KLHL14: variants seen among roughly 807,000 people sequenced by gnomAD.
KLHL14 encodes the protein kelch-like protein 14.
In KLHL14, 22 loss-of-function variants were observed where a neutral mutation model predicts 64.3. The observed-to-expected ratio is 0.34, with a 90% CI of 0.24 to 0.49. KLHL14 has a LOEUF of 0.49. Among genes scored for constraint, KLHL14 ranks in the 20% least tolerant of loss-of-function variants. The probability of loss-of-function intolerance (pLI) is 0.99; values close to 1 mark genes in which losing one functional copy is unlikely to be tolerated. For synonymous variants in KLHL14, 322 were observed against 333.4 expected, an observed-to-expected ratio of 0.97 and a Z score of 0.37; for missense variants, 661 against 789.0, an observed-to-expected ratio of 0.84 and a Z score of 1.94.
chr18:32,732,037 A>G (rs761051351), intron 3 of KLHL14, among the ~76,000 whole-genome samples: 2 of 152,118 alleles, frequency 1.3e-5, no homozygotes, highest in African/African-American at 2.4e-5. Flanking sequence ...CTTGGCCAAC[A>G]TGGCAAAACC....
intron 7 of KLHL14, among the ~76,000 whole-genome samples, chr18:32,678,560 T>C (rs1421502138): frequency 6.6e-6 from 1 of 152,178 alleles, no homozygotes; most frequent in Admixed American, 6.6e-5. Context: ...ACACTTAGAA[T>C]GAGCACTTGG....
intron 3 of KLHL14, among the ~76,000 whole-genome samples, chr18:32,733,401 A>AGAG (rs1280214038): frequency 1.3e-5 from 2 of 151,748 alleles, no homozygotes; most frequent in Non-Finnish European, 2.9e-5. Context: ...AGAGAGAGAG[A>AGAG]GAGAGAGAGA....
At chr18:32,733,003 C>T (rs529908715) in intron 3 of KLHL14, among the ~76,000 whole-genome samples, 1 of 151,980 alleles carries the variant, frequency 6.6e-6, no homozygotes, top group African/African-American at 2.4e-5. Flanking sequence ...CTGGACTTGG[C>T]AAGATTTACA....
intron 1 of KLHL14, chr18:32,772,242 A>G (rs2050393504): frequency 2.5e-6 from 1 of 399,224 alleles, no homozygotes; most frequent in Non-Finnish European, 5.1e-6. Flanking sequence ...CTTCCTATTT[A>G]TACCGGACTG....
In KLHL14 at chr18:32,742,049, T is replaced by C. The variant is rs199536139; in HGVS notation, c.948A>G (p.Arg316=). ...ACAGCATTTTCTTGTTAGAGCGAATTCTTCACCCAAAACAAAAGAGGAGAT... is the reference window on the plus strand; with the variant it reads ...ACAGCATTTTCTTGTTAGAGCGAATCCTTCACCCAAAACAAAAGAGGAGAT... ...RQHCRQSLAS[R]IRSNKKMLLL... is the part of the protein sequence containing the mutation. Residue 316 remains arginine (R), a splice_region_variant and synonymous_variant, in exon 3 of 9, where the codon AGA becomes AGG. Transcript: ENST00000359358. The C allele has an allele frequency of 6.2e-7, 1 of 1,612,434 alleles. No individual in the cohort carries two copies. Among genetic ancestry groups the C allele is most frequent in the African/African-American group, 1.3e-5 (1 of 74,924 alleles).
intron 2 of KLHL14, among the ~76,000 whole-genome samples, chr18:32,763,503 T>G (rs2050325190): frequency 6.6e-6 from 1 of 152,180 alleles, no homozygotes; most frequent in Non-Finnish European, 1.5e-5. Flanking sequence ...GACTCAACAC[T>G]ATTCAGATAA....
At chr18:32,687,784 C>A (rs1160830206) in intron 4 of KLHL14, among the ~76,000 whole-genome samples, 1 of 152,150 alleles carries the variant, frequency 6.6e-6, no homozygotes, top group East Asian at 1.9e-4. Context: ...AGATTTCCCA[C>A]GTGTCCCCAG....
chr18:32,762,331 A>G (rs2050318694), intron 2 of KLHL14, among the ~76,000 whole-genome samples: 1 of 151,586 alleles, frequency 6.6e-6, no homozygotes, highest in Non-Finnish European at 1.5e-5. Context: ...TCTTATCTTG[A>G]TTTGTAAATG....
chr18:32,751,684 G>A (rs1383596800), intron 2 of KLHL14, among the ~76,000 whole-genome samples: 3 of 152,160 alleles, frequency 2.0e-5, no homozygotes, highest in Non-Finnish European at 4.4e-5. Context: ...TCCTAAGATG[G>A]AAGTAACTTT....
intron 3 of KLHL14, among the ~76,000 whole-genome samples, chr18:32,713,819 A>T (rs1257797383): frequency 2.0e-5 from 3 of 152,250 alleles, no homozygotes; most frequent in African/African-American, 7.2e-5. Context: ...ATTGTAAAAC[A>T]CTTAATTTTG....
intron 2 of KLHL14, among the ~76,000 whole-genome samples, chr18:32,759,134 T>G (rs2050300432): frequency 2.0e-5 from 3 of 152,202 alleles, no homozygotes; most frequent in Non-Finnish European, 4.4e-5. Flanking sequence ...CTGCTCAATG[T>G]GAATCTACCA....
At chr18:32,715,535 T>C (rs2050041048) in intron 3 of KLHL14, among the ~76,000 whole-genome samples, 2 of 152,190 alleles carry the variant, frequency 1.3e-5, no homozygotes, top group African/African-American at 4.8e-5. Flanking sequence ...CTTCAACCTA[T>C]CCTTTACTTT....
At chr18:32,743,419 A>G (rs959763476) in intron 2 of KLHL14, 1 of 152,156 alleles carries the variant, frequency 6.6e-6, no homozygotes, top group African/African-American at 2.4e-5. Flanking sequence ...AAGGAAGGGA[A>G]CAAGAGAATT....
At chr18:32,687,023 C>T in intron 5 of KLHL14, 132 bp downstream of exon 5, 1 of 700,454 alleles carries the variant, frequency 1.4e-6, no homozygotes, top group South Asian at 1.9e-5. Flanking sequence ...CTGGCTAGGC[C>T]AAGTTTTCTA....
chr18:32,748,401 G>C (rs2050234719), intron 2 of KLHL14, among the ~76,000 whole-genome samples: 2 of 150,280 alleles, frequency 1.3e-5, no homozygotes, highest in African/African-American at 4.9e-5. Context: ...ATGGAGTATC[G>C]CTCTGTCACC....
chr18:32,739,552 A>G (rs1415380159), intron 3 of KLHL14, among the ~76,000 whole-genome samples: 1 of 152,124 alleles, frequency 6.6e-6, no homozygotes, highest in Non-Finnish European at 1.5e-5. Context: ...ATTGTTAAGT[A>G]GAGTAAACAT....
At chr18:32,763,243 C>T (rs1023398561) in intron 2 of KLHL14, among the ~76,000 whole-genome samples, 3 of 151,784 alleles carry the variant, frequency 2.0e-5, no homozygotes, top group African/African-American at 7.3e-5. Context: ...TTATTTAGCC[C>T]CTTAATTCAG....
intron 2 of KLHL14, among the ~76,000 whole-genome samples, chr18:32,760,339 TACACACAC>T (rs60814600): frequency 6.8e-6 from 1 of 146,834 alleles, no homozygotes; most frequent in African/African-American, 2.4e-5. Context: ...CACACAGACA[TACACACAC>T]ACACACACAC....
chr18:32,694,064 A>C (rs1204716182), intron 4 of KLHL14, among the ~76,000 whole-genome samples: 1 of 152,200 alleles, frequency 6.6e-6, no homozygotes, highest in African/African-American at 2.4e-5. Flanking sequence ...ACCTTAAGTC[A>C]GGGAGATTCA....
Sources: allele counts gnomAD v4.1 joint callset (sites outside exome capture counted in the v4.1 genomes callset), GRCh38; gene constraint gnomAD v4.1.1; transcripts MANE v1.5; gene names NCBI Gene and HGNC (gene_info 2026-07-23, HGNC 2026-07-21).